Variants in KCNIP1 observed in about 807,000 individuals in gnomAD.
KCNIP1 encodes potassium voltage-gated channel interacting protein 1.
A neutral mutation model predicts 33.0 loss-of-function variants in KCNIP1; 18 were observed. The ratio of observed to expected loss-of-function variants is 0.55; its 90% confidence interval spans 0.38 to 0.81. The LOEUF is 0.81. Ranked by LOEUF, KCNIP1 falls within the 30% of genes least tolerant of loss-of-function variation. The pLI is 0.00. For synonymous variants in KCNIP1, 93 were observed against 98.3 expected (o/e 0.95, Z 0.32); for missense variants, 238 against 271.6 (o/e 0.88, Z 0.87).
At chr5:170,474,389 C>T (rs1756804113) in intron 1 of KCNIP1, among the ~76,000 whole-genome samples, 1 of 152,154 alleles carries the variant, frequency 6.6e-6, no homozygotes. Context: ...CCCCCGCCCC[C>T]CATACCTATG....
chr5:170,631,744 G>A (rs1306143451), intron 1 of KCNIP1, among the ~76,000 whole-genome samples: 2 of 152,134 alleles, frequency 1.3e-5, no homozygotes, highest in Non-Finnish European at 2.9e-5. Flanking sequence ...AGACTCCCAG[G>A]TCCCCTAGGG....
intron 1 of KCNIP1, among the ~76,000 whole-genome samples, chr5:170,696,076 C>A (rs1158300549): frequency 1.3e-5 from 2 of 151,672 alleles, no homozygotes; most frequent in Non-Finnish European, 2.9e-5. Flanking sequence ...ATGCTGTTCC[C>A]TCTTCCTGAA....
intron 1 of KCNIP1, among the ~76,000 whole-genome samples, chr5:170,356,094 G>T (rs1337225794): frequency 3.9e-5 from 6 of 152,224 alleles, no homozygotes; most frequent in African/African-American, 1.4e-4. Context: ...AGCTGAGAAA[G>T]GCCTGCAGAG....
intron 1 of KCNIP1, among the ~76,000 whole-genome samples, chr5:170,656,558 C>T (rs777119377): frequency 6.6e-6 from 1 of 152,176 alleles, no homozygotes; most frequent in Non-Finnish European, 1.5e-5. Flanking sequence ...ACAATAAAGA[C>T]CCTGTGAGCA....
intron 1 of KCNIP1, among the ~76,000 whole-genome samples, chr5:170,467,530 A>G (rs1756633222): frequency 6.6e-6 from 1 of 152,166 alleles, no homozygotes; most frequent in Non-Finnish European, 1.5e-5. Context: ...AGCAGGGAGC[A>G]GAGGGAGGCC....
chr5:170,555,235 C>G (rs369920837), intron 1 of KCNIP1, among the ~76,000 whole-genome samples: 9 of 152,060 alleles, frequency 5.9e-5, no homozygotes, highest in Non-Finnish European at 8.8e-5. Context: ...TTGACAGCAT[C>G]GTGGAGGTGA....
chr5:170,580,739 T>C (rs1757760527), intron 1 of KCNIP1, among the ~76,000 whole-genome samples: 1 of 152,048 alleles, frequency 6.6e-6, no homozygotes, highest in Admixed American at 6.5e-5. Flanking sequence ...GTGCAAGACA[T>C]AAAAAGCCAA....
chr5:170,521,106 G>T (rs914983088), intron 1 of KCNIP1, among the ~76,000 whole-genome samples: 2 of 152,128 alleles, frequency 1.3e-5, no homozygotes, highest in African/African-American at 4.8e-5. Context: ...ATAAATACAG[G>T]TTCCTCTGCA....
chr5:170,451,837 G>T (rs1756262603), intron 1 of KCNIP1, among the ~76,000 whole-genome samples: 1 of 151,690 alleles, frequency 6.6e-6, no homozygotes, highest in Admixed American at 6.6e-5. Context: ...CATCTGGAAA[G>T]AGATCAGCTA....
intron 1 of KCNIP1, among the ~76,000 whole-genome samples, chr5:170,367,349 A>AAAAGAAAGAAGG (rs1763692713): frequency 1.3e-5 from 1 of 76,890 alleles, no homozygotes. Flanking sequence ...GAAGGAAAGA[A>AAAAGAAAGAAGG]AAAGAAAGAA....
At chr5:170,717,582 T>G (rs1763681479) in intron 1 of KCNIP1, among the ~76,000 whole-genome samples, 1 of 152,154 alleles carries the variant, frequency 6.6e-6, no homozygotes, top group South Asian at 2.1e-4. Flanking sequence ...CAAACTTAAT[T>G]TGATGGATTC....
intron 4 of KCNIP1, 36 bp from the exon 5 acceptor site, chr5:170,722,677 G>C (rs1280025795): frequency 1.4e-6 from 2 of 1,400,326 alleles, no homozygotes; most frequent in Non-Finnish European, 2.0e-6. Flanking sequence ...CTGATGGCTT[G>C]ATGGTTAATG....
intron 1 of KCNIP1, among the ~76,000 whole-genome samples, chr5:170,401,834 G>A (rs1172268079): frequency 2.0e-5 from 3 of 152,004 alleles, no homozygotes; most frequent in Non-Finnish European, 4.4e-5. Flanking sequence ...CTGGCACATG[G>A]CTCCCTACGG....
intron 1 of KCNIP1, among the ~76,000 whole-genome samples, chr5:170,367,349 AAAAGAAAGAAAGAAAGAAAG>A (rs57303478): frequency 0.015 from 1,182 of 76,920 alleles, 10 homozygotes; most frequent in Middle Eastern, 0.018. Context: ...GAAGGAAAGA[AAAAGAAAGAAAGAAAGAAAG>A]AAAGAAAGAA....
chr5:170,425,501 T>A (rs956094559), intron 1 of KCNIP1, among the ~76,000 whole-genome samples: 1 of 151,808 alleles, frequency 6.6e-6, no homozygotes, highest in Non-Finnish European at 1.5e-5. Flanking sequence ...CCCTTTGGGG[T>A]TCCCTGTATT....
intron 1 of KCNIP1, among the ~76,000 whole-genome samples, chr5:170,597,784 A>AAAATATATATAT (rs1758495878): frequency 7.4e-6 from 1 of 134,434 alleles, no homozygotes; most frequent in African/African-American, 3.1e-5. Context: ...GAGAGAGATA[A>AAAATATATATAT]ATATATATAT....
At chr5:170,550,207 C>A (rs561507747) in intron 1 of KCNIP1, among the ~76,000 whole-genome samples, 2 of 152,142 alleles carry the variant, frequency 1.3e-5, no homozygotes, top group Non-Finnish European at 1.5e-5. Context: ...CATAACTGTA[C>A]CCCTCAAGAG....
chr5:170,378,768 C>T (rs774863389), intron 1 of KCNIP1: 4 of 1,614,170 alleles, frequency 2.5e-6, no homozygotes, highest in Non-Finnish European at 2.5e-6. Context: ...AATGAGGAGG[C>T]CACCGGTCAG....
chr5:170,454,307 G>A (rs779705120), intron 1 of KCNIP1, among the ~76,000 whole-genome samples: 6 of 152,188 alleles, frequency 3.9e-5, no homozygotes, highest in Admixed American at 3.9e-4. Context: ...CACAAAAGGT[G>A]GGAGGAAGGG....
Sources: gnomAD v4.1 joint callset for allele counts (sites outside exome capture counted in the v4.1 genomes callset) on GRCh38, gnomAD v4.1.1 for gene constraint, MANE v1.5 for transcripts, NCBI Gene and HGNC (gene_info 2026-07-23, HGNC 2026-07-21) for gene names.